The following LHPP variants were observed in gnomAD, a reference collection of about 807,000 sequenced individuals.
LHPP encodes the protein hLHPP.
Under a neutral mutation model 30.3 loss-of-function variants are expected in LHPP, and 24 were observed. The observed-to-expected ratio is 0.79, with a 90% CI of 0.57 to 1.11. The LOEUF (loss-of-function observed/expected upper bound fraction) is 1.11. Ranked by LOEUF, LHPP falls within the 50% of genes most tolerant of loss-of-function variation. The pLI, the probability that LHPP is intolerant of heterozygous loss-of-function variation, is 0.00. For synonymous variants in LHPP, 150 were observed against 157.1 expected (o/e 0.95, Z 0.34); for missense variants, 356 against 367.2 (o/e 0.97, Z 0.25).
intron 6 of LHPP, among the ~76,000 whole-genome samples, chr10:124,606,539 G>A (rs1055153704): frequency 3.3e-5 from 5 of 152,252 alleles, no homozygotes; most frequent in African/African-American, 1.2e-4. Context: ...CAGGTGCAGG[G>A]GAAACGCCAA....
At chr10:124,544,563 G>A (rs993412967) in intron 6 of LHPP, among the ~76,000 whole-genome samples, 3 of 152,104 alleles carry the variant, frequency 2.0e-5, no homozygotes, top group Non-Finnish European at 2.9e-5. Context: ...CACCAGACCC[G>A]AATCCACCTC....
chr10:124,481,747 C>G (rs981427700), intron 1 of LHPP, among the ~76,000 whole-genome samples: 1 of 152,144 alleles, frequency 6.6e-6, no homozygotes. Context: ...ACATACCCCA[C>G]GCTGCTCGAG....
chr10:124,492,691 T>C (rs1953570037), intron 3 of LHPP, among the ~76,000 whole-genome samples: 1 of 152,204 alleles, frequency 6.6e-6, no homozygotes, highest in South Asian at 2.1e-4. Context: ...AGTTGACATA[T>C]TAAATTAACC....
intron 6 of LHPP, among the ~76,000 whole-genome samples, chr10:124,573,490 T>G (rs1393945744): frequency 6.6e-6 from 1 of 152,220 alleles, no homozygotes; most frequent in Non-Finnish European, 1.5e-5. Context: ...TTTTTATTTT[T>G]TGTAGAGACA....
chr10:124,572,722 A>AAGGG (rs1948605545), intron 6 of LHPP, among the ~76,000 whole-genome samples: 1 of 141,732 alleles, frequency 7.1e-6, no homozygotes, highest in Admixed American at 7.2e-5. Flanking sequence ...AGAAAGGAGG[A>AAGGG]AGGGAGGGAG....
chr10:124,513,335 C>T (rs1180816105), intron 5 of LHPP, among the ~76,000 whole-genome samples: 4 of 151,814 alleles, frequency 2.6e-5, no homozygotes, highest in Admixed American at 6.6e-5. Flanking sequence ...GCTGGAATTA[C>T]AGGCATGAGT....
chr10:124,599,184 CCCACCCATCCAT>C (rs1003618642), intron 6 of LHPP, among the ~76,000 whole-genome samples: 20 of 151,680 alleles, frequency 1.3e-4, no homozygotes, highest in African/African-American at 4.4e-4. Context: ...ACTCATCCCA[CCCACCCATCCAT>C]CCACCCATCC....
At chr10:124,538,697 G>A (rs554809944) in intron 6 of LHPP, among the ~76,000 whole-genome samples, 37 of 152,318 alleles carry the variant, frequency 2.4e-4, no homozygotes, top group African/African-American at 8.9e-4. Flanking sequence ...TCTGAGACTC[G>A]CATGCCTGGG....
chr10:124,513,540 C>T (rs1954369143), intron 5 of LHPP, among the ~76,000 whole-genome samples: 1 of 135,744 alleles, frequency 7.4e-6, no homozygotes, highest in African/African-American at 2.8e-5. Context: ...TCTCAGCTCA[C>T]TGCAACCTCC....
At chr10:124,555,884 A>G (rs1314798334) in intron 6 of LHPP, among the ~76,000 whole-genome samples, 2 of 152,282 alleles carry the variant, frequency 1.3e-5, no homozygotes, top group East Asian at 3.9e-4. Context: ...CCTGCACCCA[A>G]GTCCTCAGGC....
chr10:124,501,671 A>G (rs1953905119), intron 5 of LHPP, among the ~76,000 whole-genome samples: 1 of 151,666 alleles, frequency 6.6e-6, no homozygotes, highest in Non-Finnish European at 1.5e-5. Context: ...GACGTTCTGA[A>G]TGTGCTCGAT....
intron 6 of LHPP, among the ~76,000 whole-genome samples, chr10:124,610,187 G>A (rs765041542): frequency 2.0e-5 from 3 of 152,196 alleles, no homozygotes; most frequent in African/African-American, 7.2e-5. Flanking sequence ...TGTCTTCAAT[G>A]CCCCTCTCCT....
At chr10:124,462,463 T>C (rs1425984763) in intron 1 of LHPP, among the ~76,000 whole-genome samples, 1 of 151,488 alleles carries the variant, frequency 6.6e-6, no homozygotes, top group South Asian at 2.1e-4. Flanking sequence ...GGTGTGGTGG[T>C]GCACGCCTGT....
At chr10:124,467,526 T>G (rs906648617) in intron 1 of LHPP, among the ~76,000 whole-genome samples, 41 of 151,062 alleles carry the variant, frequency 2.7e-4, no homozygotes, top group Middle Eastern at 3.4e-3. Flanking sequence ...TTTCTTTTTT[T>G]TTTTTTTTTG....
At chr10:124,608,011 A>G (rs534575974) in intron 6 of LHPP, among the ~76,000 whole-genome samples, 1 of 152,296 alleles carries the variant, frequency 6.6e-6, no homozygotes, top group South Asian at 2.1e-4. Context: ...AGGTGAGACC[A>G]GGGAATAGAA....
At chr10:124,560,183 T>C (rs549586004) in intron 6 of LHPP, among the ~76,000 whole-genome samples, 1 of 152,364 alleles carries the variant, frequency 6.6e-6, no homozygotes, top group East Asian at 1.9e-4. Flanking sequence ...TTTCTTGGTT[T>C]TAAATTTTGT....
chr10:124,531,356 G>A (rs1214336184), intron 6 of LHPP, among the ~76,000 whole-genome samples: 2 of 152,186 alleles, frequency 1.3e-5, no homozygotes, highest in Non-Finnish European at 2.9e-5. Context: ...GGCACTCCCT[G>A]GAGTTCCCGC....
intron 6 of LHPP, chr10:124,526,005 C>A: frequency 5.6e-6 from 1 of 177,164 alleles, no homozygotes; most frequent in Non-Finnish European, 1.1e-5. Flanking sequence ...GGGGTTGGCC[C>A]AGAAGGTAGG....
intron 6 of LHPP, among the ~76,000 whole-genome samples, chr10:124,568,086 TG>T (rs1030062014): frequency 2.6e-5 from 4 of 152,082 alleles, no homozygotes; most frequent in African/African-American, 9.7e-5. Context: ...GCTAATTTTT[TG>T]TATTTTTCAG....
Sources: allele counts gnomAD v4.1 joint callset (sites outside exome capture counted in the v4.1 genomes callset), GRCh38; gene constraint gnomAD v4.1.1; transcripts MANE v1.5; gene names NCBI Gene and HGNC (gene_info 2026-07-23, HGNC 2026-07-21).